The following SERINC5 variants were observed in gnomAD, a reference collection of about 807,000 sequenced individuals.
SERINC5 encodes the protein chromosome 5 open reading frame 12.
Under a neutral mutation model 63.1 loss-of-function variants are expected in SERINC5, and 41 were observed. The observed-to-expected ratio is 0.65, with a 90% CI of 0.51 to 0.84. SERINC5 has a LOEUF of 0.84. SERINC5 is among the 40% of genes least tolerant of loss of function. The probability of loss-of-function intolerance (pLI) is 0.00; values close to 1 mark genes in which losing one functional copy is unlikely to be tolerated. For synonymous variants in SERINC5, 222 were observed against 215.2 expected, an observed-to-expected ratio of 1.03 and a Z score of -0.28; for missense variants, 523 against 573.0, an observed-to-expected ratio of 0.91 and a Z score of 0.89.
Position 80,150,898 on chromosome 5 carries a change from G to A in SERINC5, c.1037C>T (p.Ala346Val), listed in dbSNP as rs374476449. 6.8e-6 allele frequency: 11 copies of A among 1,612,306 alleles called. No homozygotes were observed. The highest frequency in any genetic ancestry group is 9.3e-6 in the Non-Finnish European group (11 of 1,178,468). Reference protein sequence around the residue: ...SSSDALQGRYAAPELEIARCC... With the variant: ...SSSDALQGRYVAPELEIARCC... ...TGAACTTACCTCCAATTCAGGAGCT[G>A]CGTATCGCCCCTGCAGAGCGTCAGA... Residue 346 changes from alanine (A) to valine (V), a missense_variant, in exon 9 of 12, where the codon GCA (alanine) becomes GTA (valine). Coordinates refer to ENST00000507668, the MANE Select transcript of SERINC5 (RefSeq NM_001174072.3).
At chr5:80,231,746 C>G (rs1247346140) in intron 1 of SERINC5, among the ~76,000 whole-genome samples, 1 of 152,108 alleles carries the variant, frequency 6.6e-6, no homozygotes, top group Non-Finnish European at 1.5e-5. Flanking sequence ...GTTGGTGGAA[C>G]TGGATATTCA....
intron 1 of SERINC5, among the ~76,000 whole-genome samples, chr5:80,224,138 A>AAC (rs1170989708): frequency 3.3e-5 from 5 of 150,010 alleles, no homozygotes; most frequent in African/African-American, 1.2e-4. Context: ...CGTCTCAAAA[A>AAC]AAAAAAAAAA....
At chr5:80,190,781 A>G (rs1045226803) in intron 2 of SERINC5, among the ~76,000 whole-genome samples, 1 of 152,208 alleles carries the variant, frequency 6.6e-6, no homozygotes, top group African/African-American at 2.4e-5. Context: ...AAGATTTGAG[A>G]GCCCCATTAC....
At chr5:80,128,566 A>G (rs1744829037) in intron 11 of SERINC5, among the ~76,000 whole-genome samples, 3 of 152,194 alleles carry the variant, frequency 2.0e-5, no homozygotes. Flanking sequence ...GCAGTGAAGA[A>G]AAGAGGAGGC....
At chr5:80,196,774 A>G (rs1580151183) in intron 2 of SERINC5, among the ~76,000 whole-genome samples, 1 of 151,912 alleles carries the variant, frequency 6.6e-6, no homozygotes, top group Non-Finnish European at 1.5e-5. Flanking sequence ...CCCTGTCTCT[A>G]CCAAAAATAT....
intron 1 of SERINC5, among the ~76,000 whole-genome samples, chr5:80,205,861 A>T (rs1750127276): frequency 6.6e-6 from 1 of 151,886 alleles, no homozygotes; most frequent in Non-Finnish European, 1.5e-5. Context: ...AGGTCAGGAG[A>T]TCAAGACCAT....
chr5:80,159,032 T>A, intron 7 of SERINC5, 70 bp from the exon 8 acceptor site: 1 of 1,561,822 alleles, frequency 6.4e-7, no homozygotes, highest in Non-Finnish European at 8.7e-7. Context: ...AAGCACTCAT[T>A]TTGGGAAAAT....
chr5:80,227,334 G>A (rs1250847180), intron 1 of SERINC5, among the ~76,000 whole-genome samples: 1 of 152,086 alleles, frequency 6.6e-6, no homozygotes, highest in Non-Finnish European at 1.5e-5. Context: ...TTTCACAAAT[G>A]AGAAAACTGA....
At chr5:80,252,885 G>A (rs550054318) in intron 1 of SERINC5, among the ~76,000 whole-genome samples, 1 of 152,288 alleles carries the variant, frequency 6.6e-6, no homozygotes, top group South Asian at 2.1e-4. Context: ...ATATTGTTCA[G>A]GATGGTCCGC....
intron 1 of SERINC5, among the ~76,000 whole-genome samples, chr5:80,209,343 A>G (rs954706380): frequency 6.7e-6 from 1 of 149,994 alleles, no homozygotes; most frequent in Non-Finnish European, 1.5e-5. Flanking sequence ...GCTTCTAAGA[A>G]GAGGAGGACA....
chr5:80,130,852 A>G (rs1431367832), intron 11 of SERINC5, among the ~76,000 whole-genome samples: 1 of 152,206 alleles, frequency 6.6e-6, no homozygotes, highest in Non-Finnish European at 1.5e-5. Flanking sequence ...CTGGGGATAC[A>G]GGAGTGAACA....
chr5:80,209,049 G>A (rs1173637996), intron 1 of SERINC5, among the ~76,000 whole-genome samples: 1 of 152,154 alleles, frequency 6.6e-6, no homozygotes, highest in African/African-American at 2.4e-5. Context: ...ACTGCTTGAG[G>A]CCAGGAGTTC....
At chr5:80,220,363 T>C (rs890941817) in intron 1 of SERINC5, among the ~76,000 whole-genome samples, 3 of 152,158 alleles carry the variant, frequency 2.0e-5, no homozygotes, top group Non-Finnish European at 4.4e-5. Context: ...AACAAAATCA[T>C]ACACAATGGA....
intron 2 of SERINC5, among the ~76,000 whole-genome samples, chr5:80,178,934 T>C (rs1051784397): frequency 6.6e-6 from 1 of 152,118 alleles, no homozygotes; most frequent in Admixed American, 6.6e-5. Flanking sequence ...ACTATGCATA[T>C]AATAAATATA....
intron 2 of SERINC5, among the ~76,000 whole-genome samples, chr5:80,180,756 AG>A (rs1317665567): frequency 3.1e-4 from 47 of 152,358 alleles, no homozygotes; most frequent in Middle Eastern, 6.8e-3. Flanking sequence ...AAGGGAGTAA[AG>A]GAAGAGTTAA....
intron 1 of SERINC5, among the ~76,000 whole-genome samples, chr5:80,206,811 C>CTTTTTTT (rs35026792): frequency 8.5e-6 from 1 of 117,794 alleles, no homozygotes; most frequent in African/African-American, 3.2e-5. Context: ...TCACTGATTG[C>CTTTTTTT]TTTTTTTTTT....
chr5:80,143,677 C>A lies in SERINC5; in HGVS notation c.1372G>T (p.Glu458Ter). The A allele has an allele frequency of 6.5e-7, 1 of 1,536,036 alleles. No individual in the cohort carries two copies. The highest frequency in any genetic ancestry group is 2.4e-5 in the East Asian group (1 of 40,902). Reference protein sequence around the residue: ...LVAPLCCPTREFSV With the variant: ...LVAPLCCPTR ...CGCCGATATCATCACACAGAGAACT[C>A]CCGGGTGGGGCAGCAGAGGGGAGCG... is the stretch of plus-strand genomic sequence containing the variant. The change falls in exon 12 of 12, where the codon GAG becomes TAG. Residue 458 changes from glutamate (E) to a stop codon, truncating the protein, a stop_gained. Coordinates refer to ENST00000507668, the MANE Select transcript of SERINC5 (RefSeq NM_001174072.3). LOFTEE classifies it high-confidence loss of function.
chr5:80,251,589 A>G (rs1431864697), intron 1 of SERINC5, among the ~76,000 whole-genome samples: 1 of 151,886 alleles, frequency 6.6e-6, no homozygotes, highest in Non-Finnish European at 1.5e-5. Context: ...AATTAGCCAG[A>G]TGTAGTGGCA....
intron 11 of SERINC5, among the ~76,000 whole-genome samples, chr5:80,121,751 C>A (rs1431553711): frequency 2.6e-5 from 4 of 152,094 alleles, no homozygotes; most frequent in South Asian, 4.2e-4. Context: ...CAAGAAACTA[C>A]CAATCATGGC....
Sources: gnomAD v4.1 joint callset for allele counts (sites outside exome capture counted in the v4.1 genomes callset) on GRCh38, gnomAD v4.1.1 for gene constraint, MANE v1.5 for transcripts, NCBI Gene and HGNC (gene_info 2026-07-23, HGNC 2026-07-21) for gene names.